The following ANKH variants were observed in gnomAD, a reference collection of about 807,000 sequenced individuals.
ANKH encodes the protein mineralization regulator ANKH.
A neutral mutation model predicts 49.0 loss-of-function variants in ANKH; 15 were observed. That is an observed-to-expected ratio of 0.31 (90% CI 0.20 to 0.47). ANKH has a LOEUF of 0.47. Ranked by LOEUF, ANKH falls within the 20% of genes least tolerant of loss-of-function variation. ANKH has a pLI of 1.00. For synonymous variants in ANKH, 273 were observed against 260.0 expected (o/e 1.05, Z -0.48); for missense variants, 429 against 652.0 (o/e 0.66, Z 3.72).
intron 8 of ANKH, 21 bp from the exon 9 acceptor site, chr5:14,716,856 C>G (rs1561021426): frequency 1.5e-5 from 24 of 1,613,088 alleles, no homozygotes; most frequent in Non-Finnish European, 2.0e-5. Context: ...AGACATCAAA[C>G]AGGGTTGTGA....
intron 2 of ANKH, 86 bp downstream of exon 2, chr5:14,768,889 C>G (rs1008077693): frequency 1.4e-6 from 2 of 1,419,704 alleles, no homozygotes; most frequent in Non-Finnish European, 2.0e-6. Flanking sequence ...GAAGAAACCA[C>G]TTATCTCAAT....
At chr5:14,857,767 T>G (rs1735324402) in intron 1 of ANKH, among the ~76,000 whole-genome samples, 1 of 152,188 alleles carries the variant, frequency 6.6e-6, no homozygotes, top group Non-Finnish European at 1.5e-5. Flanking sequence ...AGAACTAAAA[T>G]GCAGATTCTC....
chr5:14,775,058 C>CTTTTTTT (rs33960345), intron 1 of ANKH, among the ~76,000 whole-genome samples: 1 of 151,020 alleles, frequency 6.6e-6, no homozygotes, highest in Non-Finnish European at 1.5e-5. Flanking sequence ...CATAAGTCCC[C>CTTTTTTT]TTTTTTTTCT....
At chr5:14,780,474 C>T (rs546616548) in intron 1 of ANKH, among the ~76,000 whole-genome samples, 40 of 152,096 alleles carry the variant, frequency 2.6e-4, no homozygotes, top group Non-Finnish European at 4.3e-4. Context: ...ACCCAGGAGG[C>T]GGAGGTTGCA....
intron 1 of ANKH, among the ~76,000 whole-genome samples, chr5:14,833,475 T>C (rs1470684467): frequency 2.6e-5 from 4 of 152,194 alleles, no homozygotes; most frequent in African/African-American, 7.2e-5. Flanking sequence ...CTTTATGGCA[T>C]TTAGAGCACA....
rs915522716 is a variant in ANKH, at chr5:14,789,737, G to T, written c.97-20546C>A. ...ATTCTCTCTCTCTCTCTCTCGACAG[G>T]ATCTCACTCTGTTGCCTGGCTGGAG... On this transcript the variant is annotated intron_variant, in intron 1 of 11. Transcript: ENST00000284268. 4.6e-5 allele frequency among the ~76,000 whole-genome samples: 7 copies of T among 152,014 alleles called. No homozygotes were observed. In the East Asian group the frequency reaches 1.2e-3, roughly 25 times the overall value.
intron 8 of ANKH, among the ~76,000 whole-genome samples, chr5:14,731,901 T>C (rs1466699079): frequency 6.6e-6 from 1 of 152,108 alleles, no homozygotes; most frequent in African/African-American, 2.4e-5. Flanking sequence ...CAGGGCAACG[T>C]GGGGAGAGAC....
chr5:14,860,729 T>TCC lies in ANKH; in HGVS notation c.96+10621_96+10622dup, dbSNP rs144939881. On this transcript the variant is annotated intron_variant, in intron 1 of 11. Transcript: ENST00000284268. ...ACGGCAGGCAGAAACTCAAATACTCTCCTCCACTTAAACGTTATATATATT... is the reference window on the plus strand; with the variant it reads ...ACGGCAGGCAGAAACTCAAATACTCTCCCCTCCACTTAAACGTTATATATATT... 2.9e-3 allele frequency among the ~76,000 whole-genome samples: 436 copies of TCC among 152,250 alleles called. 1 individual carries two copies. The highest frequency in any genetic ancestry group is 4.5e-3 in the Admixed American group (69 of 15,290).
At chr5:14,865,003 G>A (rs1735603703) in intron 1 of ANKH, among the ~76,000 whole-genome samples, 1 of 152,202 alleles carries the variant, frequency 6.6e-6, no homozygotes, top group South Asian at 2.1e-4. Context: ...GCTCACGCCT[G>A]TAATCCCAGC....
rs1235723585 is a variant in ANKH at position 14,871,625 on chromosome 5, C to G, written c.-178G>C. 4 of 169,754 alleles carry G rather than the reference C, an allele frequency of 2.4e-5. No individual in the cohort carries two copies. The highest frequency in any genetic ancestry group is 2.4e-5 in the African/African-American group (1 of 41,274). 10.5% of individuals were successfully genotyped at this position (169,754 alleles called of 1,614,324 possible). On this transcript the variant is annotated 5_prime_UTR_variant, in exon 1 of 12. Coordinates refer to ENST00000284268, the MANE Select transcript of ANKH (RefSeq NM_054027.6). ...TCGCGGCTGCGGCGCCTTCTCCGAG[C>G]GCGGCTGCTCTAGCAGGGGATCCGC...
Position 14,764,631 on chromosome 5 carries a change from C to T in ANKH, c.313+4344G>A, listed in dbSNP as rs534850850. Among the ~76,000 whole-genome samples, 71 of 152,210 alleles carry T rather than the reference C, an allele frequency of 4.7e-4. 1 individual carries two copies. Among genetic ancestry groups the T allele is most frequent in the Admixed American group, 9.2e-4 (14 of 15,278 alleles). ...CTGAGGATCGGGGTGGTTTTTTACA[C>T]GACAATAAATTGTGAGACTATACTG... On this transcript the variant is annotated intron_variant, in intron 2 of 11. Transcript: ENST00000284268.
chr5:14,730,855 G>A (rs1164954286), intron 8 of ANKH, among the ~76,000 whole-genome samples: 2 of 152,242 alleles, frequency 1.3e-5, no homozygotes. Context: ...GTTCCACTGG[G>A]ATGAGGGGCA....
At chr5:14,712,314 G>C (rs968010791) in intron 11 of ANKH, among the ~76,000 whole-genome samples, 13 of 152,252 alleles carry the variant, frequency 8.5e-5, no homozygotes, top group African/African-American at 3.1e-4. Flanking sequence ...CCCCACCCAT[G>C]TGTCCTCGTT....
chr5:14,750,605 C>T (rs781737013), intron 5 of ANKH, among the ~76,000 whole-genome samples: 18 of 152,130 alleles, frequency 1.2e-4, no homozygotes, highest in African/African-American at 4.1e-4. Context: ...TGGTACCTAA[C>T]GTTGTGCTTG....
chr5:14,734,390 T>C (rs961865986), intron 8 of ANKH, among the ~76,000 whole-genome samples: 3 of 152,208 alleles, frequency 2.0e-5, no homozygotes, highest in Non-Finnish European at 2.9e-5. Context: ...CCCTTGTCCA[T>C]GTGTGCGCTC....
At chr5:14,727,788 G>A (rs1737868316) in intron 8 of ANKH, among the ~76,000 whole-genome samples, 1 of 152,162 alleles carries the variant, frequency 6.6e-6, no homozygotes, top group South Asian at 2.1e-4. Flanking sequence ...TGGGCAGATG[G>A]TGATGACAAG....
At chr5:14,789,873 G>A (rs1740106430) in intron 1 of ANKH, among the ~76,000 whole-genome samples, 1 of 152,074 alleles carries the variant, frequency 6.6e-6, no homozygotes, top group African/African-American at 2.4e-5. Context: ...ACCATGCATG[G>A]CTAATTTTGT....
At chr5:14,763,729 T>C (rs1271147508) in intron 2 of ANKH, among the ~76,000 whole-genome samples, 2 of 152,220 alleles carry the variant, frequency 1.3e-5, no homozygotes, top group Non-Finnish European at 2.9e-5. Flanking sequence ...TTATTCATGT[T>C]TGAATTCTCA....
chr5:14,771,081 A>G (rs934409226), intron 1 of ANKH, among the ~76,000 whole-genome samples: 4 of 152,268 alleles, frequency 2.6e-5, no homozygotes, highest in African/African-American at 9.6e-5. Flanking sequence ...CCACAGTCTG[A>G]GAGCTGCCTT....
Sources: gnomAD v4.1 joint callset for allele counts (sites outside exome capture counted in the v4.1 genomes callset) on GRCh38, gnomAD v4.1.1 for gene constraint, MANE v1.5 for transcripts, NCBI Gene and HGNC (gene_info 2026-07-23, HGNC 2026-07-21) for gene names.